Variants in ZFHX4 observed in about 807,000 individuals in gnomAD.
The protein encoded by ZFHX4 is zinc finger homeobox protein 4.
In ZFHX4, 56 loss-of-function variants were observed where a neutral mutation model predicts 267.6. The ratio of observed to expected loss-of-function variants is 0.21; its 90% CI spans 0.17 to 0.26. The LOEUF is 0.26. Ranked by LOEUF, ZFHX4 falls within the 10% of genes least tolerant of loss-of-function variation. The probability of loss-of-function intolerance (pLI) is 1.00; values close to 1 mark genes in which losing one functional copy is unlikely to be tolerated. For synonymous variants in ZFHX4, 1,778 were observed against 1,665.6 expected, an observed-to-expected ratio of 1.07 and a Z score of -1.64; for missense variants, 4,332 against 4,420.0, an observed-to-expected ratio of 0.98 and a Z score of 0.56.
chr8:76,703,911 G>A (rs1283584439), intron 1 of ZFHX4, 132 bp from the exon 2 acceptor site: 11 of 651,512 alleles, frequency 1.7e-5, no homozygotes, highest in East Asian at 1.7e-4. Flanking sequence ...AGATAGGCAC[G>A]CCGGTTTTAA....
intron 4 of ZFHX4, among the ~76,000 whole-genome samples, chr8:76,792,507 ATTAT>A (rs1159848319): frequency 1.3e-5 from 2 of 152,202 alleles, no homozygotes; most frequent in Non-Finnish European, 2.9e-5. Flanking sequence ...TATTTGTGTT[ATTAT>A]TACAACCACT....
chr8:76,686,889 G>A (rs1366815303), intron 1 of ZFHX4, among the ~76,000 whole-genome samples: 26 of 152,172 alleles, frequency 1.7e-4, no homozygotes, highest in Admixed American at 1.7e-3. Context: ...GTTTATAAAT[G>A]AGGAGCCTTT....
chr8:76,804,954 A>C (rs887092060), intron 4 of ZFHX4, among the ~76,000 whole-genome samples: 2 of 152,114 alleles, frequency 1.3e-5, no homozygotes, highest in East Asian at 3.9e-4. Flanking sequence ...TGCTCTGAAC[A>C]TGCATACATT....
chr8:76,819,758 T>C (rs918040632), intron 4 of ZFHX4, among the ~76,000 whole-genome samples: 2 of 152,332 alleles, frequency 1.3e-5, no homozygotes, highest in South Asian at 4.2e-4. Context: ...CAATATTCCA[T>C]TTGGCCTCAC....
intron 4 of ZFHX4, among the ~76,000 whole-genome samples, chr8:76,827,249 G>A (rs961946216): frequency 2.0e-5 from 3 of 152,208 alleles, no homozygotes; most frequent in Non-Finnish European, 4.4e-5. Context: ...TCCCTTGCAT[G>A]TGCAGTTCAT....
At chr8:76,782,470 A>T (rs1276611157) in intron 4 of ZFHX4, among the ~76,000 whole-genome samples, 1 of 152,000 alleles carries the variant, frequency 6.6e-6, no homozygotes, top group Non-Finnish European at 1.5e-5. Flanking sequence ...GAAATAGTGA[A>T]TACTTTGAGC....
Position 76,707,810 on chromosome 8 carries a change from C to G in ZFHX4, c.2855C>G (p.Thr952Ser), listed in dbSNP as rs745942387. The G allele has an allele frequency of 2.1e-5, 34 of 1,613,892 alleles. No homozygotes were observed. In the Middle Eastern group the frequency reaches 8.2e-4, roughly 39 times the overall value. The part of the protein sequence containing the change: ...IYQCKLCNYN[T>S]QLKANFQLHC... ...CAGTGCAAGCTCTGCAACTACAACA[C>G]TCAGCTCAAAGCCAACTTCCAGCTA... The change falls in exon 3 of 11, where the codon ACT becomes AGT. Residue 952 changes from threonine to serine, a missense_variant. Around this residue, in one of 7 missense-constraint regions of ZFHX4, gnomAD observed 4 missense variants for 16.4 expected, o/e 0.24. Coordinates refer to ENST00000651372, the MANE Select transcript of ZFHX4 (RefSeq NM_024721.5).
intron 3 of ZFHX4, among the ~76,000 whole-genome samples, chr8:76,738,994 T>C (rs1809246201): frequency 6.6e-6 from 1 of 152,086 alleles, no homozygotes; most frequent in Non-Finnish European, 1.5e-5. Context: ...GTACTACAGC[T>C]GTGAGCCACC....
At chr8:76,833,465 A>G (rs1420276229) in intron 5 of ZFHX4, 59 bp downstream of exon 5, 3 of 1,304,540 alleles carry the variant, frequency 2.3e-6, no homozygotes, top group Non-Finnish European at 3.3e-6. Flanking sequence ...TGCTTTTGTT[A>G]CTCTCATAAT....
At chr8:76,709,027 C>G (rs1047755213) in intron 3 of ZFHX4, among the ~76,000 whole-genome samples, 1 of 152,120 alleles carries the variant, frequency 6.6e-6, no homozygotes, top group Admixed American at 6.5e-5. Flanking sequence ...TTGATTTGTA[C>G]TAGAAATCAG....
At chr8:76,722,339 T>C (rs1240379807) in intron 3 of ZFHX4, among the ~76,000 whole-genome samples, 1 of 152,048 alleles carries the variant, frequency 6.6e-6, no homozygotes, top group Non-Finnish European at 1.5e-5. Flanking sequence ...ACTGAAAGAT[T>C]GACTGCCTAC....
intron 4 of ZFHX4, among the ~76,000 whole-genome samples, chr8:76,783,932 C>T (rs1206450769): frequency 6.6e-6 from 1 of 151,658 alleles, no homozygotes; most frequent in African/African-American, 2.4e-5. Flanking sequence ...ATTTTGAAGC[C>T]GAATTACTAC....
rs565499356 is a variant in ZFHX4, at chr8:76,719,973, C to T, written c.3093+11925C>T. On this transcript the variant is annotated intron_variant, in intron 3 of 10. Coordinates refer to ENST00000651372, the MANE Select transcript of ZFHX4 (RefSeq NM_024721.5). ...TTGAGACCATTGTCTTCTGCTTTGC[C>T]TCCACTTCATTTTTTTATTTGCAAC... 5.3e-5 allele frequency among the ~76,000 whole-genome samples: 8 copies of T among 152,216 alleles called. No individual in the cohort carries two copies. In the East Asian group the frequency reaches 1.5e-3, roughly 29 times the overall value.
chr8:76,781,326 G>T (rs976728374), intron 4 of ZFHX4, among the ~76,000 whole-genome samples: 3 of 151,960 alleles, frequency 2.0e-5, no homozygotes, highest in Admixed American at 1.3e-4. Flanking sequence ...CATTGTAATA[G>T]CAAATAACTA....
chr8:76,763,584 C>T (rs1193072167), intron 3 of ZFHX4, among the ~76,000 whole-genome samples: 1 of 152,136 alleles, frequency 6.6e-6, no homozygotes, highest in Non-Finnish European at 1.5e-5. Flanking sequence ...GATGGCCCCA[C>T]TGCACTCCAG....
At chr8:76,738,699 T>C (rs907781844) in intron 3 of ZFHX4, among the ~76,000 whole-genome samples, 17 of 128,074 alleles carry the variant, frequency 1.3e-4, no homozygotes, top group African/African-American at 4.4e-4. Context: ...CCTCCCTCCC[T>C]TTCTCTCTCT....
chr8:76,757,990 T>C (rs1809808200), intron 3 of ZFHX4, among the ~76,000 whole-genome samples: 1 of 152,160 alleles, frequency 6.6e-6, no homozygotes, highest in Admixed American at 6.5e-5. Flanking sequence ...TTTATTATCA[T>C]TGTTAAGGCA....
intron 4 of ZFHX4, among the ~76,000 whole-genome samples, chr8:76,805,659 G>A (rs1012490797): frequency 1.3e-5 from 2 of 150,670 alleles, no homozygotes; most frequent in Non-Finnish European, 3.0e-5. Flanking sequence ...AGAGGATTAT[G>A]TTGTCCCTTA....
intron 5 of ZFHX4, among the ~76,000 whole-genome samples, chr8:76,835,696 C>G (rs998101848): frequency 6.6e-6 from 1 of 152,048 alleles, no homozygotes; most frequent in South Asian, 2.1e-4. Context: ...CTCTCCCTCC[C>G]CCACCTCAAA....
Sources: allele counts gnomAD v4.1 joint callset (sites outside exome capture counted in the v4.1 genomes callset), GRCh38; gene constraint gnomAD v4.1.1; regional missense constraint gnomAD v4.1.1; transcripts MANE v1.5; gene names NCBI Gene and HGNC (gene_info 2026-07-23, HGNC 2026-07-21).